The following NFIA variants were observed in gnomAD, a reference collection of about 807,000 sequenced individuals.
NFIA encodes nuclear factor I A.
NFIA carries 8 observed loss-of-function variants against 62.8 expected under a neutral mutation model. The observed-to-expected ratio is 0.13, with a 90% CI of 0.07 to 0.23. The LOEUF (loss-of-function observed/expected upper bound fraction) is 0.23, where lower values mean the gene tolerates loss of function less well. Ranked by LOEUF, NFIA falls within the 10% of genes least tolerant of loss-of-function variation. The pLI is 1.00. For synonymous variants in NFIA, 235 were observed against 238.1 expected (o/e 0.99, Z 0.12); for missense variants, 410 against 642.1 (o/e 0.64, Z 3.91).
intron 6 of NFIA, among the ~76,000 whole-genome samples, chr1:61,373,555 A>G (rs979198779): frequency 5.3e-5 from 8 of 152,116 alleles, no homozygotes; most frequent in African/African-American, 1.2e-4. Flanking sequence ...AATTTTATCC[A>G]TAGGACCCTT....
At chr1:61,168,974 A>G (rs1190208869) in intron 2 of NFIA, among the ~76,000 whole-genome samples, 1 of 152,226 alleles carries the variant, frequency 6.6e-6, no homozygotes, top group East Asian at 1.9e-4. Context: ...GCAGCTATAT[A>G]AAACAAAGAA....
rs1444355446 is a variant in NFIA at position 61,337,300 on chromosome 1, G to A, written c.700+4714G>A. 2.1e-5 allele frequency among the ~76,000 whole-genome samples: 3 copies of A among 140,194 alleles called. No homozygotes were observed. In the East Asian group the frequency reaches 6.6e-4, roughly 31 times the overall value. The allele number at this position is 140,194 out of a possible 152,430, so 92.0% of individuals were successfully genotyped here. ...TTCCGTGAACTCCCCTTTCCTCCTT[G>A]CCTCCTGCCTACCACCTTTTAATTT... is the stretch of plus-strand genomic sequence containing the variant. On this transcript the variant is annotated intron_variant, in intron 4 of 10. Transcript: ENST00000403491.
At chr1:61,278,294 A>C (rs934423668) in intron 3 of NFIA, among the ~76,000 whole-genome samples, 5 of 152,214 alleles carry the variant, frequency 3.3e-5, no homozygotes, top group Admixed American at 3.3e-4. Context: ...TTTTATATTG[A>C]ATAAAACTAT....
At chr1:61,195,022 A>G (rs1042950470) in intron 2 of NFIA, among the ~76,000 whole-genome samples, 2 of 151,636 alleles carry the variant, frequency 1.3e-5, no homozygotes, top group African/African-American at 4.9e-5. Flanking sequence ...TGAGACATCA[A>G]TTCTGTGAAC....
At chr1:61,234,508 T>C (rs182672015) in intron 2 of NFIA, among the ~76,000 whole-genome samples, 44 of 152,252 alleles carry the variant, frequency 2.9e-4, no homozygotes, top group Admixed American at 1.6e-3. Context: ...TTCTGTGAGC[T>C]CTGAAAGTTT....
intron 2 of NFIA, among the ~76,000 whole-genome samples, chr1:61,190,584 A>G (rs957162481): frequency 2.6e-5 from 4 of 152,240 alleles, no homozygotes; most frequent in African/African-American, 4.8e-5. Flanking sequence ...TAGCTAATCT[A>G]TCTCAGGGTT....
intron 10 of NFIA, among the ~76,000 whole-genome samples, chr1:61,452,810 T>C (rs1284935665): frequency 1.3e-5 from 2 of 152,214 alleles, no homozygotes; most frequent in Non-Finnish European, 2.9e-5. Context: ...CATTTAAATT[T>C]AAACATGTCA....
At chr1:61,173,386 C>CTCTTT (rs911403261) in intron 2 of NFIA, among the ~76,000 whole-genome samples, 18 of 152,134 alleles carry the variant, frequency 1.2e-4, no homozygotes, top group South Asian at 4.2e-4. Context: ...TTATTTTCTT[C>CTCTTT]TCTTTTCTTT....
intron 2 of NFIA, among the ~76,000 whole-genome samples, chr1:61,196,426 G>T (rs1017626820): frequency 6.6e-6 from 1 of 152,136 alleles, no homozygotes; most frequent in African/African-American, 2.4e-5. Flanking sequence ...TTTGGAAAAT[G>T]TCTAGAATTG....
chr1:61,360,709 A>G (rs1265249280), intron 6 of NFIA, among the ~76,000 whole-genome samples: 1 of 152,182 alleles, frequency 6.6e-6, no homozygotes, highest in Non-Finnish European at 1.5e-5. Context: ...TGTTGGGGTG[A>G]TAGAACCATT....
intron 2 of NFIA, among the ~76,000 whole-genome samples, chr1:61,152,086 C>T (rs1469952772): frequency 6.6e-6 from 1 of 152,052 alleles, no homozygotes; most frequent in Non-Finnish European, 1.5e-5. Context: ...TAACATGACC[C>T]AATGGGGCCA....
chr1:61,155,168 A>G (rs554434917), intron 2 of NFIA, among the ~76,000 whole-genome samples: 3 of 152,352 alleles, frequency 2.0e-5, no homozygotes, highest in Admixed American at 6.5e-5. Context: ...ATGAATATTC[A>G]TGATCATTTT....
Position 61,378,708 on chromosome 1 carries a change from G to A in NFIA, c.947-4529G>A, listed in dbSNP as rs188845789. On this transcript the variant is annotated intron_variant, in intron 6 of 10. Transcript: ENST00000403491. ...CATACAAGGCTGCAATGAGAATTTT[G>A]TTCAGACTCCATTTCTTTCTGGAGC... Among the ~76,000 whole-genome samples, 176 of 152,238 alleles carry A rather than the reference G, an allele frequency of 1.2e-3. 1 individual carries two copies. Among genetic ancestry groups the A allele is most frequent in the African/African-American group, 4.0e-3 (167 of 41,546 alleles).
chr1:61,396,440 T>C (rs948320460), intron 7 of NFIA, among the ~76,000 whole-genome samples: 2 of 152,062 alleles, frequency 1.3e-5, no homozygotes, highest in Non-Finnish European at 2.9e-5. Flanking sequence ...AGAGATGAAA[T>C]CTCACTGTGT....
intron 5 of NFIA, among the ~76,000 whole-genome samples, chr1:61,355,851 G>A (rs1662924179): frequency 6.6e-6 from 1 of 152,170 alleles, no homozygotes. Flanking sequence ...GCCTCCCAAA[G>A]TGTTGGAATT....
intron 2 of NFIA, among the ~76,000 whole-genome samples, chr1:61,146,922 G>T (rs1434893238): frequency 6.6e-6 from 1 of 152,096 alleles, no homozygotes; most frequent in Non-Finnish European, 1.5e-5. Flanking sequence ...TGATGAGGTT[G>T]GGTTCAGGAA....
intron 2 of NFIA, among the ~76,000 whole-genome samples, chr1:61,203,356 T>C (rs965266763): frequency 2.0e-5 from 3 of 152,140 alleles, no homozygotes; most frequent in Non-Finnish European, 2.9e-5. Context: ...AGTGCTCTAG[T>C]GTACATGTCA....
intron 9 of NFIA, among the ~76,000 whole-genome samples, chr1:61,426,260 C>T (rs1234966222): frequency 1.3e-5 from 2 of 152,180 alleles, no homozygotes; most frequent in East Asian, 1.9e-4. Flanking sequence ...ATCATTTTAT[C>T]CCAACAGTCT....
intron 2 of NFIA, among the ~76,000 whole-genome samples, chr1:61,113,600 A>AAG (rs1252641177): frequency 6.7e-6 from 1 of 149,380 alleles, no homozygotes; most frequent in African/African-American, 2.5e-5. Context: ...ATCTCAGAAA[A>AAG]AAAAAAAAAA....
Sources: gnomAD v4.1 joint callset for allele counts (sites outside exome capture counted in the v4.1 genomes callset) on GRCh38, gnomAD v4.1.1 for gene constraint, MANE v1.5 for transcripts, NCBI Gene and HGNC (gene_info 2026-07-23, HGNC 2026-07-21) for gene names.